Variants in THSD4 observed in about 807,000 individuals in gnomAD.
THSD4 encodes the protein thrombospondin type 1 domain containing 4, also known as thrombospondin type-1 domain-containing protein 4.
THSD4 carries 69 observed loss-of-function variants against 119.0 expected under a neutral mutation model. That is an observed-to-expected ratio of 0.58 (90% CI 0.48 to 0.71). The LOEUF (loss-of-function observed/expected upper bound fraction) is 0.71. Ranked by LOEUF, THSD4 falls within the 30% of genes least tolerant of loss-of-function variation. The pLI is 0.00. For missense variants in THSD4, 1,393 were observed against 1,391.1 expected, an observed-to-expected ratio of 1.00 and a Z score of -0.02; for synonymous variants, 524 against 540.4, an observed-to-expected ratio of 0.97 and a Z score of 0.42.
At chr15:71,434,043 AGTCT>A (rs1383968882) in intron 7 of THSD4, among the ~76,000 whole-genome samples, 1 of 152,118 alleles carries the variant, frequency 6.6e-6, no homozygotes, top group African/African-American at 2.4e-5. Flanking sequence ...AGACAGCATA[AGTCT>A]GTCTGACAGA....
chr15:71,198,793 A>C (rs962476206), intron 3 of THSD4, among the ~76,000 whole-genome samples: 1 of 152,232 alleles, frequency 6.6e-6, no homozygotes, highest in African/African-American at 2.4e-5. Context: ...ATTCACTGAA[A>C]GGGATGATCC....
chr15:71,684,155 A>T (rs1400912828), intron 8 of THSD4, among the ~76,000 whole-genome samples: 1 of 152,188 alleles, frequency 6.6e-6, no homozygotes, highest in African/African-American at 2.4e-5. Context: ...CAAAGAATGG[A>T]ATCTGTTCCT....
intron 4 of THSD4, among the ~76,000 whole-genome samples, chr15:71,233,623 A>G (rs992953063): frequency 8.5e-5 from 13 of 152,338 alleles, no homozygotes; most frequent in African/African-American, 2.4e-4. Flanking sequence ...AAACAGCTTC[A>G]TAGTACTCCA....
chr15:71,298,250 G>T (rs1187224140), intron 6 of THSD4, among the ~76,000 whole-genome samples: 2 of 152,128 alleles, frequency 1.3e-5, no homozygotes, highest in Non-Finnish European at 2.9e-5. Flanking sequence ...ACTGATCATA[G>T]ATACAAGGAT....
In THSD4 at chr15:71,541,415, C is replaced by T. The variant is rs538675836; in HGVS notation, c.1153-119115C>T. On this transcript the variant is annotated intron_variant, in intron 7 of 17. Transcript: ENST00000261862. ...GCACAGATGTATAATAATAAATTTT[C>T]CTCGCATTTCTGTCCTGAAGCAACT... 3.9e-5 allele frequency among the ~76,000 whole-genome samples: 6 copies of T among 152,290 alleles called. No individual in the cohort carries two copies. The South Asian group carries it at 1.2e-3, about 32-fold the overall frequency.
At chr15:71,411,908 T>C in intron 7 of THSD4, 85 bp downstream of exon 7, 6 of 1,563,306 alleles carry the variant, frequency 3.8e-6, no homozygotes, top group Non-Finnish European at 5.2e-6. Flanking sequence ...GAGACTAGGC[T>C]GCTAGCTCCC....
chr15:71,596,143 T>A (rs1019852380), intron 7 of THSD4, among the ~76,000 whole-genome samples: 5 of 152,252 alleles, frequency 3.3e-5, no homozygotes, highest in Non-Finnish European at 7.3e-5. Context: ...TCATCCTTTA[T>A]TAAAAACATG....
rs574257309 is a variant in THSD4 at position 71,720,374 on chromosome 15, A to T, written c.1358-8175A>T. 2.0e-5 allele frequency among the ~76,000 whole-genome samples: 3 copies of T among 152,340 alleles called. No individual in the cohort carries two copies. In the East Asian group the frequency reaches 5.8e-4, roughly 29 times the overall value. ...CCATATGCTTCTTTAACATTAAAAT[A>T]GGAGAACTCCTAGAAGATCTAATAA... On this transcript the variant is annotated intron_variant, in intron 8 of 17. Transcript: ENST00000261862.
chr15:71,157,442 A>T (rs922758831), intron 3 of THSD4, among the ~76,000 whole-genome samples: 1 of 150,894 alleles, frequency 6.6e-6, no homozygotes, highest in Middle Eastern at 3.2e-3. Context: ...TGCATTTATC[A>T]TTTTTTTTTG....
intron 1 of THSD4, among the ~76,000 whole-genome samples, chr15:71,126,334 A>C (rs2141357420): frequency 6.6e-6 from 1 of 151,878 alleles, no homozygotes; most frequent in Non-Finnish European, 1.5e-5. Context: ...GGGAGCTGGA[A>C]CTCCCACCTC....
intron 6 of THSD4, among the ~76,000 whole-genome samples, chr15:71,320,338 A>G (rs183969500): frequency 1.3e-5 from 2 of 152,290 alleles, no homozygotes; most frequent in Admixed American, 1.3e-4. Flanking sequence ...GACTAAAACA[A>G]CCTCAAAGTT....
At chr15:71,188,098 A>G (rs1027799552) in intron 3 of THSD4, among the ~76,000 whole-genome samples, 4 of 152,228 alleles carry the variant, frequency 2.6e-5, no homozygotes, top group African/African-American at 9.6e-5. Flanking sequence ...TCAAGTGTTC[A>G]TAAGATAAAA....
chr15:71,409,483 A>G (rs1386710319), intron 6 of THSD4, among the ~76,000 whole-genome samples: 1 of 152,160 alleles, frequency 6.6e-6, no homozygotes, highest in East Asian at 1.9e-4. Context: ...CTGTTTTTTA[A>G]TCTATCAAAT....
At chr15:71,363,289 A>T (rs1423336588) in intron 6 of THSD4, among the ~76,000 whole-genome samples, 2 of 152,300 alleles carry the variant, frequency 1.3e-5, no homozygotes, top group Admixed American at 6.5e-5. Flanking sequence ...ATAAAAATTT[A>T]AAAAAACAAA....
At chr15:71,704,101 G>A (rs1313556459) in intron 8 of THSD4, among the ~76,000 whole-genome samples, 3 of 152,148 alleles carry the variant, frequency 2.0e-5, no homozygotes, top group East Asian at 3.9e-4. Context: ...GCCCACCTTG[G>A]CCTCCCAAAG....
chr15:71,354,640 A>T (rs918489714), intron 6 of THSD4, among the ~76,000 whole-genome samples: 1 of 152,206 alleles, frequency 6.6e-6, no homozygotes, highest in Non-Finnish European at 1.5e-5. Context: ...GGGCTCTAAC[A>T]TTATTTCTAG....
At chr15:71,443,602 A>C (rs942875099) in intron 7 of THSD4, among the ~76,000 whole-genome samples, 4 of 152,174 alleles carry the variant, frequency 2.6e-5, no homozygotes, top group Admixed American at 2.0e-4. Context: ...AAAACAAAAA[A>C]CACAGCAAAC....
chr15:71,374,310 C>T (rs1258358366), intron 6 of THSD4, among the ~76,000 whole-genome samples: 1 of 152,198 alleles, frequency 6.6e-6, no homozygotes, highest in African/African-American at 2.4e-5. Flanking sequence ...TCACTCATTT[C>T]CCATCTGTCG....
intron 7 of THSD4, among the ~76,000 whole-genome samples, chr15:71,437,191 A>G (rs913231953): frequency 2.0e-5 from 3 of 152,264 alleles, no homozygotes; most frequent in African/African-American, 7.2e-5. Context: ...CTTTTAAGCA[A>G]TCAGATCTCA....
Sources: gnomAD v4.1 joint callset for allele counts (sites outside exome capture counted in the v4.1 genomes callset) on GRCh38, gnomAD v4.1.1 for gene constraint, MANE v1.5 for transcripts, NCBI Gene and HGNC (gene_info 2026-07-23, HGNC 2026-07-21) for gene names.